PCDHGA10: variants seen among roughly 807,000 people sequenced by gnomAD.
The protein encoded by PCDHGA10 is protocadherin gamma-A10.
In PCDHGA10, 42 loss-of-function variants were observed where a neutral mutation model predicts 59.5. That is an observed-to-expected ratio of 0.71 (90% CI 0.55 to 0.91). The LOEUF is 0.91. Among genes scored for constraint, PCDHGA10 ranks in the 40% least tolerant of loss-of-function variants. PCDHGA10 has a pLI of 0.00. For missense variants in PCDHGA10, 1,111 were observed against 1,198.2 expected (o/e 0.93, Z 1.07); for synonymous variants, 511 against 517.2 (o/e 0.99, Z 0.16).
At position 141,477,742 on chromosome 5, in the gene PCDHGA10, G is replaced by C; in HGVS notation, c.2437-17065G>C. 2 of 1,613,800 alleles carry C rather than the reference G, an allele frequency of 1.2e-6. No individual in the cohort carries two copies. Among genetic ancestry groups the C allele is most frequent in the Non-Finnish European group, 1.7e-6 (2 of 1,180,030 alleles). ...AATTAACAGCTCATATCAGCGATGG[G>C]GGCACCCCGGTCCTAGCCACCAACA... On this transcript the variant is annotated intron_variant, in intron 1 of 3. Coordinates refer to ENST00000398610, the MANE Select transcript of PCDHGA10 (RefSeq NM_018913.3). The surrounding 1 kb of genome is among the most constrained non-coding windows in gnomAD (Gnocchi z 4.9).
intron 1 of PCDHGA10, chr5:141,433,358 C>CCCAT (rs1554125967): frequency 7.1e-5 from 36 of 503,934 alleles, no homozygotes; most frequent in African/African-American, 1.2e-4. Flanking sequence ...CTACTGTCTG[C>CCCAT]CTATCTATCT....
chr5:141,413,796 G>A lies in PCDHGA10; in HGVS notation c.621G>A (p.Glu207=). The A allele has an allele frequency of 1.2e-6, 2 of 1,613,190 alleles. No individual in the cohort carries two copies. Among genetic ancestry groups the A allele is most frequent in the Non-Finnish European group, 1.7e-6 (2 of 1,179,874 alleles). The change falls in exon 1 of 4, where the codon GAG becomes GAA. Residue 207 remains glutamate, a synonymous_variant. Coordinates refer to ENST00000398610, the MANE Select transcript of PCDHGA10 (RefSeq NM_018913.3). ...TACTGGAGCACTCCCTAGATCGCGA[G>A]GAAGAGGCCATTCACCACCTGGTCC... ...ELVLEHSLDR[E]EEAIHHLVLT... is the part of the protein sequence containing the mutation.
Position 141,486,278 on chromosome 5 carries a change from G to C in PCDHGA10, c.2437-8529G>C, listed in dbSNP as rs774763063. On this transcript the variant is annotated intron_variant, in intron 1 of 3. Coordinates refer to ENST00000398610, the MANE Select transcript of PCDHGA10 (RefSeq NM_018913.3). The surrounding 1 kb of genome is among the most constrained non-coding windows in gnomAD (Gnocchi z 5.0). ...CGAGAGTGCAGAACCTGGCACTGTG[G>C]TGGCACTTATCAGTGTGCAGGATCC... is the stretch of plus-strand genomic sequence containing the variant. 4 of 1,613,970 alleles carry C rather than the reference G, an allele frequency of 2.5e-6. No individual in the cohort carries two copies. In the South Asian group the frequency reaches 4.4e-5, roughly 18 times the overall value.
chr5:141,509,115 G>C (rs1480955058), intron 3 of PCDHGA10, among the ~76,000 whole-genome samples: 1 of 152,186 alleles, frequency 6.6e-6, no homozygotes, highest in Non-Finnish European at 1.5e-5. Flanking sequence ...GAGCGCTGGT[G>C]CGTGAAGAGA....
chr5:141,494,943 G>A, intron 2 of PCDHGA10, 78 bp downstream of exon 2: 2 of 1,610,326 alleles, frequency 1.2e-6, no homozygotes, highest in Non-Finnish European at 1.7e-6. Flanking sequence ...ATGGGGGAGG[G>A]CCCAGCATTT....
intron 1 of PCDHGA10, chr5:141,439,815 T>C (rs1027862858): frequency 5.3e-5 from 8 of 152,314 alleles, no homozygotes; most frequent in African/African-American, 1.9e-4. Flanking sequence ...AAGGGGCTTA[T>C]TTGGGCTGGA....
Position 141,485,432 on chromosome 5 carries a change from A to C in PCDHGA10, c.2437-9375A>C. The C allele has an allele frequency of 6.2e-7, 1 of 1,614,178 alleles. No individual in the cohort carries two copies. Among genetic ancestry groups the C allele is most frequent in the Non-Finnish European group, 8.5e-7 (1 of 1,180,028 alleles). ...TTTGGACAGCGGAGCCCTGCTCATC[A>C]AGAACCCAATCGACCGAGAGGCACT... On this transcript the variant is annotated intron_variant, in intron 1 of 3. Transcript: ENST00000398610. The surrounding 1 kb of genome is among the most constrained non-coding windows in gnomAD (Gnocchi z 5.7).
At chr5:141,495,896 CTCTG>C (rs1175207502) in intron 2 of PCDHGA10, among the ~76,000 whole-genome samples, 2 of 152,108 alleles carry the variant, frequency 1.3e-5, no homozygotes, top group Non-Finnish European at 2.9e-5. Flanking sequence ...CTCTCTTTGT[CTCTG>C]TCTCTGTATA....
chr5:141,491,895 A>C lies in PCDHGA10; in HGVS notation c.2437-2912A>C. 1.4e-6 allele frequency: 2 copies of C among 1,434,306 alleles called. No individual in the cohort carries two copies. The highest frequency in any genetic ancestry group is 1.8e-6 in the Non-Finnish European group (2 of 1,084,904). 88.8% of individuals were successfully genotyped at this position (1,434,306 alleles called of 1,614,324 possible). Reference sequence around the variant, plus strand: ...CCGATTAAGGGATGGGGCTCCGAGCACCGGGGGTGGTGGCGACTGTGGGCG... The same window carrying C: ...CCGATTAAGGGATGGGGCTCCGAGCCCCGGGGGTGGTGGCGACTGTGGGCG... On this transcript the variant is annotated intron_variant, in intron 1 of 3. Transcript: ENST00000398610. The surrounding 1 kb of genome is among the most constrained non-coding windows in gnomAD (Gnocchi z 6.9).
rs936750924 is a variant in PCDHGA10, at chr5:141,418,950, T to A, written c.2436+3339T>A. On this transcript the variant is annotated intron_variant, in intron 1 of 3. Transcript: ENST00000398610. ...ATTATGGAGGATTCCCCTCCAGGAG[T>A]GGTTGTTGCCCTCTTCAAAACACGG... 23 of 1,613,742 alleles carry A rather than the reference T, an allele frequency of 1.4e-5. No individual in the cohort carries two copies. Among genetic ancestry groups the A allele is most frequent in the Non-Finnish European group, 1.9e-5 (23 of 1,179,860 alleles).
At position 141,487,488 on chromosome 5, in the gene PCDHGA10, G is replaced by A; in HGVS notation, c.2437-7319G>A. ...GATGTGGGAGGCCACTCTCATGGCT[G>A]TACACCCTTGGCTTCTGCACCCACT... On this transcript the variant is annotated intron_variant, in intron 1 of 3. Transcript: ENST00000398610. This position sits in a 1 kb window ranked among gnomAD's most constrained non-coding sequence, Gnocchi z 5.0. The A allele has an allele frequency of 6.2e-7, 1 of 1,614,204 alleles. No homozygotes were observed. The highest frequency in any genetic ancestry group is 8.5e-7 in the Non-Finnish European group (1 of 1,180,038).
In PCDHGA10 at chr5:141,450,032, G is replaced by A. The variant is rs146567243; in HGVS notation, c.2436+34421G>A. Among the ~76,000 whole-genome samples the A allele has an allele frequency of 4.6e-3, 607 of 131,666 alleles. 4 individuals are homozygous for A. The highest frequency in any genetic ancestry group is 0.017 in the African/African-American group (550 of 33,158). The allele number at this position is 131,666 out of a possible 152,430, so 86.4% of individuals were successfully genotyped here. A position where few individuals can be genotyped will look rare whatever the true frequency, so the allele number is the denominator to read the frequency against. On this transcript the variant is annotated intron_variant, in intron 1 of 3. Transcript: ENST00000398610. ...TTTTTTTTTTTTTTTTTTGAGACAG[G>A]GTCTCACTCTTTCGCCCAGGCTGGA... is the stretch of plus-strand genomic sequence containing the variant.
In PCDHGA10 at chr5:141,414,789, C is replaced by T; in HGVS notation, c.1614C>T (p.Ala538=). ...ATGAGCTACAGATGCAGGTGACAGC[C>T]AGCGACAGCGGGGATCCTCCACTCA... ...QFHELQMQVT[A]SDSGDPPLSS... The change falls in exon 1 of 4, where the codon GCC becomes GCT. Residue 538 remains alanine, a synonymous_variant. Transcript: ENST00000398610. 1 of 1,614,218 alleles carries T rather than the reference C, an allele frequency of 6.2e-7. No individual in the cohort carries two copies. Among genetic ancestry groups the T allele is most frequent in the East Asian group, 2.2e-5 (1 of 44,876 alleles).
chr5:141,418,478 G>C (rs777772131), intron 1 of PCDHGA10: 1 of 1,613,976 alleles, frequency 6.2e-7, no homozygotes, highest in Non-Finnish European at 8.5e-7. Context: ...AACGCAGAGC[G>C]CTCACCACTT....
intron 1 of PCDHGA10, among the ~76,000 whole-genome samples, chr5:141,472,122 G>A (rs898092092): frequency 6.6e-6 from 1 of 152,176 alleles, no homozygotes; most frequent in African/African-American, 2.4e-5. Flanking sequence ...GAAAATAAAA[G>A]AGAAGTTAAA....
intron 1 of PCDHGA10, among the ~76,000 whole-genome samples, chr5:141,433,789 A>G (rs1388423731): frequency 6.7e-6 from 1 of 148,972 alleles, no homozygotes; most frequent in Non-Finnish European, 1.5e-5. Flanking sequence ...ATGAGCTGAG[A>G]TTGTGCCATT....
Position 141,491,265 on chromosome 5 carries a change from CA to C in PCDHGA10, c.2437-3539del. ...AGGATGAGGACCCTGAGGAAATGCC[CA>C]AATCCAGTGACTTCCTCATACACCC... On this transcript the variant is annotated intron_variant, in intron 1 of 3. Coordinates refer to ENST00000398610, the MANE Select transcript of PCDHGA10 (RefSeq NM_018913.3). This position sits in a 1 kb window ranked among gnomAD's most constrained non-coding sequence, Gnocchi z 6.9. 1 of 1,614,074 alleles carries C rather than the reference CA, an allele frequency of 6.2e-7. No individual in the cohort carries two copies.
intron 1 of PCDHGA10, among the ~76,000 whole-genome samples, chr5:141,466,035 C>T (rs10054619): frequency 0.28 from 42,092 of 151,762 alleles, 6,545 homozygotes; most frequent in African/African-American, 0.42. Flanking sequence ...GGCAGGAGAA[C>T]GGCATGAACC....
In PCDHGA10 at chr5:141,491,797, G is replaced by T. The variant is rs537755017; in HGVS notation, c.2437-3010G>T. The stretch of plus-strand genomic sequence containing the variant: ...ATTGAACTTGCATCCACTCCTCTCC[G>T]GCCGGCTTGGTCGCTGGCTGCGCTC... On this transcript the variant is annotated intron_variant, in intron 1 of 3. Coordinates refer to ENST00000398610, the MANE Select transcript of PCDHGA10 (RefSeq NM_018913.3). The surrounding 1 kb of genome is among the most constrained non-coding windows in gnomAD (Gnocchi z 6.9). 2.0e-6 allele frequency: 3 copies of T among 1,506,818 alleles called. No homozygotes were observed. The highest frequency in any genetic ancestry group is 2.4e-5 in the Admixed American group (1 of 41,734). 93.3% of individuals were successfully genotyped at this position (1,506,818 alleles called of 1,614,324 possible). A position where few individuals can be genotyped will look rare whatever the true frequency, so the allele number is the denominator to read the frequency against.
Sources: gnomAD v4.1 joint callset for allele counts (sites outside exome capture counted in the v4.1 genomes callset) on GRCh38, gnomAD v4.1.1 for gene constraint, Gnocchi (gnomAD v3.1) non-coding constraint, MANE v1.5 for transcripts, NCBI Gene and HGNC (gene_info 2026-07-23, HGNC 2026-07-21) for gene names.